SLC67A1: variants seen among roughly 807,000 people sequenced by gnomAD.
SLC67A1 encodes the protein solute carrier family 67 member 1.
chr11:2,922,566 G>A, the SLC67A1 span: 1 of 1,609,432 alleles, frequency 6.2e-7, no homozygotes, highest in Non-Finnish European at 8.5e-7. Context: ...GGTGAGTGTG[G>A]CCAGCGAGTG....
chr11:2,917,112 T>A, the SLC67A1 span: 1 of 263,416 alleles, frequency 3.8e-6, no homozygotes, highest in African/African-American at 2.2e-5. Context: ...CTCCGGAAGC[T>A]CTGAGTGTCC....
the SLC67A1 span, among the ~76,000 whole-genome samples, chr11:2,917,351 G>A: frequency 6.6e-6 from 1 of 152,258 alleles, no homozygotes; most frequent in African/African-American, 2.4e-5. Flanking sequence ...ACCATCCTGG[G>A]GCAGGAGGCT....
chr11:2,911,159 C>T, the SLC67A1 span, among the ~76,000 whole-genome samples: 4 of 152,102 alleles, frequency 2.6e-5, no homozygotes, highest in Non-Finnish European at 2.9e-5. Context: ...CAAGTCAGTG[C>T]CAGCCGCAGA....
chr11:2,915,894 T>A, the SLC67A1 span, among the ~76,000 whole-genome samples: 2 of 152,222 alleles, frequency 1.3e-5, no homozygotes, highest in African/African-American at 4.8e-5. Flanking sequence ...GACCTGCCGA[T>A]TCCTTCCAGG....
the SLC67A1 span, among the ~76,000 whole-genome samples, chr11:2,913,307 T>A: frequency 9.2e-5 from 14 of 152,098 alleles, no homozygotes; most frequent in African/African-American, 3.4e-4. Flanking sequence ...CCCGCTGAGA[T>A]GGTTCTGGCC....
At chr11:2,904,470 G>C in the SLC67A1 span, among the ~76,000 whole-genome samples, 1 of 152,236 alleles carries the variant, frequency 6.6e-6, no homozygotes, top group Non-Finnish European at 1.5e-5. Context: ...CGTGGGGAAG[G>C]CTGGGCAGGA....
chr11:2,916,709 G>A, the SLC67A1 span: 2 of 1,613,040 alleles, frequency 1.2e-6, no homozygotes, highest in Non-Finnish European at 1.7e-6. Flanking sequence ...GCACCAAAGG[G>A]GCCAAAACTG....
At chr11:2,919,262 T>A in the SLC67A1 span, 1 of 1,438,374 alleles carries the variant, frequency 7.0e-7, no homozygotes, top group Non-Finnish European at 9.8e-7. Flanking sequence ...GGCGCCAAGG[T>A]CGGGGTGTGG....
At chr11:2,901,712 G>C in the SLC67A1 span, among the ~76,000 whole-genome samples, 3 of 152,162 alleles carry the variant, frequency 2.0e-5, no homozygotes, top group Non-Finnish European at 4.4e-5. Context: ...GGGGAAAAGT[G>C]GGCTCTCAAC....
chr11:2,919,241 G>A, the SLC67A1 span: 1 of 1,160,582 alleles, frequency 8.6e-7, no homozygotes, highest in Non-Finnish European at 1.3e-6. Flanking sequence ...TGCTGAGGCG[G>A]GAGGGAGGTG....
the SLC67A1 span, among the ~76,000 whole-genome samples, chr11:2,906,726 G>A: frequency 7.5e-6 from 1 of 132,664 alleles, no homozygotes; most frequent in East Asian, 2.1e-4. Flanking sequence ...GGGGTGGGGG[G>A]AGGGGAGAGG....
chr11:2,922,909 G>A, the SLC67A1 span, among the ~76,000 whole-genome samples: 1 of 152,176 alleles, frequency 6.6e-6, no homozygotes, highest in African/African-American at 2.4e-5. Flanking sequence ...CCCTCCCCCA[G>A]CACGGGGAGT....
chr11:2,910,596 G>C, the SLC67A1 span, among the ~76,000 whole-genome samples: 2 of 152,148 alleles, frequency 1.3e-5, no homozygotes, highest in Non-Finnish European at 2.9e-5. Flanking sequence ...GCAGGGGTGA[G>C]AATGGGGGGT....
the SLC67A1 span, among the ~76,000 whole-genome samples, chr11:2,901,886 C>T: frequency 6.6e-6 from 1 of 152,362 alleles, no homozygotes; most frequent in South Asian, 2.1e-4. Context: ...ACCACCATTC[C>T]TCCGCTTTTC....
the SLC67A1 span, among the ~76,000 whole-genome samples, chr11:2,912,747 G>A: frequency 2.6e-5 from 4 of 151,978 alleles, no homozygotes; most frequent in Admixed American, 1.3e-4. Flanking sequence ...CGCTGGGTGG[G>A]GGGTGGCTCT....
At chr11:2,900,719 A>AAAAAAAAAAAAAAAAT in the SLC67A1 span, among the ~76,000 whole-genome samples, 1 of 142,726 alleles carries the variant, frequency 7.0e-6, no homozygotes, top group South Asian at 2.3e-4. Flanking sequence ...AAAAAAAAAG[A>AAAAAAAAAAAAAAAAT]TATGGGGGAA....
the SLC67A1 span, chr11:2,903,767 T>G: frequency 2.0e-6 from 1 of 490,732 alleles, no homozygotes; most frequent in East Asian, 3.4e-5. Context: ...CCTCAAACCT[T>G]CCTAGCGCTG....
At chr11:2,919,572 G>C in the SLC67A1 span, 1 of 606,318 alleles carries the variant, frequency 1.6e-6, no homozygotes, top group South Asian at 2.0e-5. Flanking sequence ...CAGGGAGGGA[G>C]AGCCAACTGC....
At chr11:2,903,296 C>T in the SLC67A1 span, 1,433 of 1,591,440 alleles carry the variant, frequency 9.0e-4, 4 homozygotes, top group African/African-American at 3.1e-3. Flanking sequence ...CCTGCTCCGC[C>T]AGCCTCCTGC....
Sources: gnomAD v4.1 joint callset for allele counts (sites outside exome capture counted in the v4.1 genomes callset) on GRCh38, gnomAD v4.1.1 for gene constraint, MANE v1.5 for transcripts, NCBI Gene and HGNC (gene_info 2026-07-23, HGNC 2026-07-21) for gene names.